Variants in EPHA3 observed in about 807,000 individuals in gnomAD.
EPHA3 encodes EPH receptor A3.
In EPHA3, 42 loss-of-function variants were observed where a neutral mutation model predicts 107.1. That is an observed-to-expected ratio of 0.39 (90% CI 0.31 to 0.51). EPHA3 has a LOEUF of 0.51. EPHA3 is among the 20% of genes least tolerant of loss of function. The pLI, the probability that EPHA3 is intolerant of heterozygous loss-of-function variation, is 0.78. For missense variants in EPHA3, 1,183 were observed against 1,211.2 expected, an observed-to-expected ratio of 0.98 and a Z score of 0.35; for synonymous variants, 461 against 424.8, an observed-to-expected ratio of 1.09 and a Z score of -1.05.
In EPHA3 at chr3:89,341,070, C is replaced by T. The variant is rs774536871; in HGVS notation, c.969C>T (p.Thr323=). The part of the protein sequence containing the change: ...ADKDPPSMAC[T]RPPSSPRNVI... ...AAGACCCTCCATCCATGGCTTGTAC[C>T]CGTGAGTAGTTTTGCTGCAACCCAT... Residue 323 remains threonine (T), a splice_region_variant and synonymous_variant, in exon 4 of 17, where the codon ACC becomes ACT. Coordinates refer to ENST00000336596, the MANE Select transcript of EPHA3 (RefSeq NM_005233.6). The T allele has an allele frequency of 1.9e-5, 31 of 1,611,454 alleles. No homozygotes were observed. Among genetic ancestry groups the T allele is most frequent in the Admixed American group, 8.4e-5 (5 of 59,340 alleles).
At position 89,251,733 on chromosome 3, in the gene EPHA3, T is replaced by C. The variant is rs1167227973; in HGVS notation, c.814+41213T>C. 3.3e-5 allele frequency among the ~76,000 whole-genome samples: 5 copies of C among 152,238 alleles called. No homozygotes were observed. The East Asian group carries it at 7.7e-4, about 24-fold the overall frequency. ...TCATAACAATTTAAATTTTTGTTAA[T>C]TTTTCTAATCCATTGGCATGTCTTG... On this transcript the variant is annotated intron_variant, in intron 3 of 16. Transcript: ENST00000336596.
chr3:89,145,267 A>G (rs1278182480), intron 2 of EPHA3, among the ~76,000 whole-genome samples: 1 of 107,758 alleles, frequency 9.3e-6, no homozygotes, highest in African/African-American at 3.5e-5. Flanking sequence ...TGTATTACAT[A>G]TATTCACAAA....
intron 3 of EPHA3, among the ~76,000 whole-genome samples, chr3:89,321,398 T>G (rs764513619): frequency 7.9e-5 from 12 of 152,084 alleles, no homozygotes; most frequent in Non-Finnish European, 1.3e-4. Context: ...ATAAGGAAGC[T>G]GTGCCTATAT....
At chr3:89,335,188 G>T (rs867943877) in intron 3 of EPHA3, among the ~76,000 whole-genome samples, 1 of 152,128 alleles carries the variant, frequency 6.6e-6, no homozygotes, top group South Asian at 2.1e-4. Flanking sequence ...ATTTCTCCCT[G>T]TTCTGAAGGC....
At position 89,218,738 on chromosome 3, in the gene EPHA3, A is replaced by G. The variant is rs372746543; in HGVS notation, c.814+8218A>G. On this transcript the variant is annotated intron_variant, in intron 3 of 16. Transcript: ENST00000336596. Reference sequence around the variant, plus strand: ...AAAAAAATATGAAAAAATGCTCATCATCATTGGCCATCAGAGAAATGCAAA... The same window carrying G: ...AAAAAAATATGAAAAAATGCTCATCGTCATTGGCCATCAGAGAAATGCAAA... Among the ~76,000 whole-genome samples, 48 of 152,354 alleles carry G rather than the reference A, an allele frequency of 3.2e-4. No homozygotes were observed. The South Asian group carries it at 9.3e-3, about 30-fold the overall frequency.
At chr3:89,327,024 G>T (rs946751897) in intron 3 of EPHA3, among the ~76,000 whole-genome samples, 3 of 151,968 alleles carry the variant, frequency 2.0e-5, no homozygotes, top group African/African-American at 7.2e-5. Flanking sequence ...AAGTTTTTCG[G>T]TTGCCTTATA....
At chr3:89,342,199 A>G (rs1707545505) in intron 5 of EPHA3, 109 bp downstream of exon 5, 2 of 984,086 alleles carry the variant, frequency 2.0e-6, no homozygotes, top group Non-Finnish European at 1.5e-6. Flanking sequence ...ATAGAACCCC[A>G]GGATTTTGCC....
At chr3:89,266,601 A>G (rs983607731) in intron 3 of EPHA3, among the ~76,000 whole-genome samples, 2 of 152,232 alleles carry the variant, frequency 1.3e-5, no homozygotes, top group Non-Finnish European at 2.9e-5. Context: ...AACCCTAAGA[A>G]TATAACTTTT....
intron 2 of EPHA3, among the ~76,000 whole-genome samples, chr3:89,128,414 T>C (rs1704137453): frequency 6.6e-6 from 1 of 152,076 alleles, no homozygotes; most frequent in Non-Finnish European, 1.5e-5. Context: ...AGGAATCAAA[T>C]GATTAAGATA....
intron 3 of EPHA3, among the ~76,000 whole-genome samples, chr3:89,298,990 A>G (rs1161381600): frequency 6.6e-6 from 1 of 152,128 alleles, no homozygotes. Context: ...ATGCAGGTAA[A>G]TGACATTATA....
intron 11 of EPHA3, among the ~76,000 whole-genome samples, chr3:89,421,376 C>G (rs1709350227): frequency 2.0e-5 from 3 of 150,988 alleles, no homozygotes. Context: ...AGGGAGGACA[C>G]AACAATATCT....
chr3:89,344,730 G>A (rs150420354), intron 5 of EPHA3, among the ~76,000 whole-genome samples: 4 of 152,246 alleles, frequency 2.6e-5, no homozygotes, highest in Admixed American at 6.5e-5. Context: ...GATATAAAGG[G>A]GAAGCATGAA....
chr3:89,406,786 G>A (rs1709063999), intron 7 of EPHA3, among the ~76,000 whole-genome samples: 1 of 152,120 alleles, frequency 6.6e-6, no homozygotes, highest in African/African-American at 2.4e-5. Context: ...TAGAGGGACA[G>A]TTTGTTGGTG....
chr3:89,392,983 C>A (rs12489119), intron 5 of EPHA3, among the ~76,000 whole-genome samples: 2,794 of 152,074 alleles, frequency 0.018, 280 homozygotes, highest in Admixed American at 0.16. Flanking sequence ...TTTATTATGT[C>A]CACATTATTT....
chr3:89,255,903 A>T (rs1489953069), intron 3 of EPHA3, among the ~76,000 whole-genome samples: 2 of 151,666 alleles, frequency 1.3e-5, no homozygotes, highest in East Asian at 1.9e-4. Context: ...TCCATCTCAA[A>T]AAATAAATAA....
intron 3 of EPHA3, among the ~76,000 whole-genome samples, chr3:89,306,914 A>T (rs1706637887): frequency 6.6e-6 from 1 of 152,182 alleles, no homozygotes; most frequent in Non-Finnish European, 1.5e-5. Context: ...TTGGTTAGGG[A>T]TAAAGAAAAA....
chr3:89,429,287 T>G (rs752441897), intron 12 of EPHA3, 120 bp downstream of exon 12: 1 of 671,178 alleles, frequency 1.5e-6, no homozygotes, highest in Non-Finnish European at 2.4e-6. Context: ...TGAAATCTTC[T>G]GAGGCTAAAT....
At chr3:89,179,582 A>G (rs536807979) in intron 2 of EPHA3, among the ~76,000 whole-genome samples, 1 of 151,882 alleles carries the variant, frequency 6.6e-6, no homozygotes, top group African/African-American at 2.4e-5. Flanking sequence ...AGAGCAGGGA[A>G]CTGTGTGGTT....
chr3:89,150,174 A>G (rs142728401), intron 2 of EPHA3, among the ~76,000 whole-genome samples: 3 of 152,106 alleles, frequency 2.0e-5, no homozygotes, highest in Non-Finnish European at 4.4e-5. Context: ...TAAGCATCTA[A>G]TAAGTCAAAT....
Sources: allele counts gnomAD v4.1 joint callset (sites outside exome capture counted in the v4.1 genomes callset), GRCh38; gene constraint gnomAD v4.1.1; transcripts MANE v1.5; gene names NCBI Gene and HGNC (gene_info 2026-07-23, HGNC 2026-07-21).